KIAA1549L: variants seen among roughly 807,000 people sequenced by gnomAD.
The protein encoded by KIAA1549L is KIAA1549 like.
A neutral mutation model predicts 160.7 loss-of-function variants in KIAA1549L; 88 were observed. The observed-to-expected ratio is 0.55, with a 90% confidence interval of 0.46 to 0.65. KIAA1549L has a LOEUF of 0.65. Ranked by LOEUF, KIAA1549L falls within the 30% of genes least tolerant of loss-of-function variation. The pLI is 0.00. For missense variants in KIAA1549L, 2,258 were observed against 2,437.5 expected, an observed-to-expected ratio of 0.93 and a Z score of 1.55; for synonymous variants, 950 against 976.7, an observed-to-expected ratio of 0.97 and a Z score of 0.51.
At chr11:33,435,796 A>ATATATGTGTGTGTGTGTG (rs1851352809) in intron 1 of KIAA1549L, among the ~76,000 whole-genome samples, 6 of 34,662 alleles carry the variant, frequency 1.7e-4, no homozygotes, top group Middle Eastern at 0.019. Context: ...ATATATATAT[A>ATATATGTGTGTGTGTGTG]TATATATATA....
chr11:33,502,072 T>G (rs984081712), intron 1 of KIAA1549L, among the ~76,000 whole-genome samples: 1 of 151,744 alleles, frequency 6.6e-6, no homozygotes, highest in Non-Finnish European at 1.5e-5. Flanking sequence ...GAGGGGACTT[T>G]CGAGGGAGTT....
chr11:33,406,688 CG>C (rs1453784774), intron 1 of KIAA1549L, among the ~76,000 whole-genome samples: 1 of 152,238 alleles, frequency 6.6e-6, no homozygotes, highest in Non-Finnish European at 1.5e-5. Flanking sequence ...CCTAGCCCTC[CG>C]CTGCCTCAAA....
At chr11:33,628,063 A>T (rs1279148965) in intron 16 of KIAA1549L, among the ~76,000 whole-genome samples, 1 of 152,068 alleles carries the variant, frequency 6.6e-6, no homozygotes, top group Admixed American at 6.6e-5. Flanking sequence ...ATTCAGGAGC[A>T]GGTTGTTCAG....
intron 1 of KIAA1549L, among the ~76,000 whole-genome samples, chr11:33,493,534 A>G (rs900705836): frequency 3.9e-5 from 6 of 152,184 alleles, no homozygotes; most frequent in Non-Finnish European, 7.3e-5. Flanking sequence ...GTTGAAGAGG[A>G]TGATCTTGCA....
intron 1 of KIAA1549L, among the ~76,000 whole-genome samples, chr11:33,503,148 G>A (rs2133090800): frequency 6.6e-6 from 1 of 152,214 alleles, no homozygotes; most frequent in South Asian, 2.1e-4. Flanking sequence ...CCATAGATAT[G>A]TTTTAAACGT....
chr11:33,391,606 G>T (rs1166106441), intron 1 of KIAA1549L, among the ~76,000 whole-genome samples: 1 of 152,148 alleles, frequency 6.6e-6, no homozygotes, highest in Non-Finnish European at 1.5e-5. Context: ...AAGGAGACTG[G>T]GAGTCTTGGC....
intron 1 of KIAA1549L, among the ~76,000 whole-genome samples, chr11:33,531,603 A>G (rs1853774776): frequency 6.6e-6 from 1 of 152,240 alleles, no homozygotes; most frequent in African/African-American, 2.4e-5. Context: ...TGAAAGTTAA[A>G]ATGCTTCTAT....
intron 1 of KIAA1549L, among the ~76,000 whole-genome samples, chr11:33,520,895 G>A (rs1853476506): frequency 6.6e-6 from 1 of 152,104 alleles, no homozygotes; most frequent in Non-Finnish European, 1.5e-5. Flanking sequence ...TGGTGCAGTG[G>A]CTCATGTCTG....
intron 1 of KIAA1549L, among the ~76,000 whole-genome samples, chr11:33,518,330 T>C (rs1299447017): frequency 1.3e-5 from 2 of 152,096 alleles, no homozygotes; most frequent in African/African-American, 4.8e-5. Flanking sequence ...TTAGATAAAG[T>C]GATTTGCTTT....
At position 33,589,841 on chromosome 11, in the gene KIAA1549L, A is replaced by G. The variant is rs148466348; in HGVS notation, c.4567-1396A>G. ...ACAAGTTAATGGGTGCAGCACACCA[A>G]CGTGGCACATGTATACATATGTAAC... On this transcript the variant is annotated intron_variant, in intron 11 of 20. Coordinates refer to ENST00000658780, the MANE Select transcript of KIAA1549L (RefSeq NM_012194.3). 8.8e-4 allele frequency among the ~76,000 whole-genome samples: 134 copies of G among 152,308 alleles called. 1 individual carries two copies. In the South Asian group the frequency reaches 1.0e-2, roughly 11 times the overall value.
At chr11:33,481,649 G>A (rs866747734) in intron 1 of KIAA1549L, among the ~76,000 whole-genome samples, 1 of 152,100 alleles carries the variant, frequency 6.6e-6, no homozygotes, top group Non-Finnish European at 1.5e-5. Flanking sequence ...ACAGCTCCAC[G>A]TACGTTCAAT....
intron 1 of KIAA1549L, among the ~76,000 whole-genome samples, chr11:33,444,714 G>A (rs1225996106): frequency 1.3e-5 from 2 of 152,132 alleles, no homozygotes; most frequent in Non-Finnish European, 1.5e-5. Context: ...TATATATTTC[G>A]CTAACGAATA....
intron 1 of KIAA1549L, among the ~76,000 whole-genome samples, chr11:33,487,402 CT>C (rs112165825): frequency 0.018 from 1,544 of 85,536 alleles, 9 homozygotes; most frequent in African/African-American, 0.03. Flanking sequence ...GTCTATTGTT[CT>C]TTTTTTTTTT....
rs559152897 is a variant in KIAA1549L at position 33,377,497 on chromosome 11, T to C, written c.238+608T>C. On this transcript the variant is annotated intron_variant, in intron 1 of 20. Coordinates refer to ENST00000658780, the MANE Select transcript of KIAA1549L (RefSeq NM_012194.3). ...TAGACTTCCAGCAATCCCCAGGAAA[T>C]AGATTTCTGTAATTCCTTGGACAAT... Among the ~76,000 whole-genome samples the C allele has an allele frequency of 3.9e-5, 6 of 152,312 alleles. No homozygotes were observed. In the South Asian group the frequency reaches 1.2e-3, roughly 32 times the overall value.
In KIAA1549L at chr11:33,656,251, C is replaced by A. The variant is rs187497992; in HGVS notation, c.5858+142C>A. On this transcript the variant is annotated intron_variant, in intron 18 of 20. Coordinates refer to ENST00000658780, the MANE Select transcript of KIAA1549L (RefSeq NM_012194.3). ...TGTCACCTGTACAGACAACCATGCG[C>A]CTGTGGCATCCCAAGTACCATGAAT... 6.8e-4 allele frequency: 435 copies of A among 643,880 alleles called. 4 individuals carry two copies. In the East Asian group the frequency reaches 0.012, roughly 17 times the overall value. The allele number at this position is 643,880 out of a possible 1,614,324, so 39.9% of individuals were successfully genotyped here.
Position 33,542,350 on chromosome 11 carries a change from C to A in KIAA1549L, c.787C>A (p.Pro263Thr), listed in dbSNP as rs1854046953. 2.4e-6 allele frequency: 2 copies of A among 831,360 alleles called. No individual in the cohort carries two copies. Among genetic ancestry groups the A allele is most frequent in the Middle Eastern group, 2.3e-4 (1 of 4,342 alleles). The allele number at this position is 831,360 out of a possible 1,614,324, so 51.5% of individuals were successfully genotyped here. ...PDSPHSIISEPAEQSPKVLLV... is the reference protein window; with the variant it reads ...PDSPHSIISETAEQSPKVLLV... The stretch of plus-strand genomic sequence containing the variant: ...CTCACCTCATTCCATCATCTCTGAG[C>A]CAGCAGAGCAATCCCCCAAAGTGCT... Residue 263 changes from proline to threonine, a missense_variant, in exon 2 of 21, where the codon CCA becomes ACA. By Grantham distance (38) the Pro-to-Thr change is conservative. Coordinates refer to ENST00000658780, the MANE Select transcript of KIAA1549L (RefSeq NM_012194.3).
chr11:33,459,960 CA>C lies in KIAA1549L; in HGVS notation c.239-81825del, dbSNP rs61580338. ...TGGGCGACAGAGCGAGACTCCGTCT[CA>C]AAAAAAAAAAAAAAAAGAAATAGCC... On this transcript the variant is annotated intron_variant, in intron 1 of 20. Transcript: ENST00000658780. Among the ~76,000 whole-genome samples the C allele has an allele frequency of 1.6e-3, 107 of 67,176 alleles. 1 individual carries two copies. Among genetic ancestry groups the C allele is most frequent in the Admixed American group, 2.2e-3 (13 of 5,978 alleles). The allele number at this position is 67,176 out of a possible 152,430, so 44.1% of individuals were successfully genotyped here. A position where few individuals can be genotyped will look rare whatever the true frequency, so the allele number is the denominator to read the frequency against.
At chr11:33,620,244 C>T (rs1214012243) in intron 16 of KIAA1549L, among the ~76,000 whole-genome samples, 2 of 152,178 alleles carry the variant, frequency 1.3e-5, no homozygotes, top group Admixed American at 6.5e-5. Flanking sequence ...AGATTGCTCA[C>T]CCTTACAGAC....
intron 10 of KIAA1549L, among the ~76,000 whole-genome samples, chr11:33,580,737 G>A (rs1013385241): frequency 6.6e-6 from 1 of 152,226 alleles, no homozygotes; most frequent in Non-Finnish European, 1.5e-5. Context: ...ATAGAGCAGT[G>A]AATGAAGTGG....
Sources: gnomAD v4.1 joint callset for allele counts (sites outside exome capture counted in the v4.1 genomes callset) on GRCh38, gnomAD v4.1.1 for gene constraint, MANE v1.5 for transcripts, NCBI Gene and HGNC (gene_info 2026-07-23, HGNC 2026-07-21) for gene names.